The following PLCB1 variants were observed in gnomAD, a reference collection of about 807,000 sequenced individuals.
The protein encoded by PLCB1 is phospholipase C beta 1, also known as 1-phosphatidylinositol 4,5-bisphosphate phosphodiesterase beta-1.
Under a neutral mutation model 161.8 loss-of-function variants are expected in PLCB1, and 46 were observed. That is an observed-to-expected ratio of 0.28 (90% CI 0.22 to 0.36). PLCB1 has a LOEUF of 0.36. Among genes scored for constraint, PLCB1 ranks in the 10% least tolerant of loss-of-function variants. The pLI is 1.00. For missense variants in PLCB1, 1,016 were observed against 1,472.5 expected (o/e 0.69, Z 5.07); for synonymous variants, 517 against 503.7 (o/e 1.03, Z -0.35).
intron 20 of PLCB1, 29 bp downstream of exon 20, chr20:8,737,221 T>C (rs954549489): frequency 1.3e-6 from 2 of 1,560,776 alleles, no homozygotes; most frequent in South Asian, 1.1e-5. Flanking sequence ...ATATGAGTTA[T>C]AACTGCATTT....
intron 3 of PLCB1, among the ~76,000 whole-genome samples, chr20:8,602,923 C>T (rs906657638): frequency 1.3e-5 from 2 of 152,150 alleles, no homozygotes; most frequent in Non-Finnish European, 2.9e-5. Flanking sequence ...GTTGAAGCTC[C>T]TCTGGTAGAA....
intron 2 of PLCB1, among the ~76,000 whole-genome samples, chr20:8,332,766 G>A (rs2745782): frequency 0.015 from 2,250 of 152,314 alleles, 53 homozygotes; most frequent in African/African-American, 0.05. Context: ...CTCATAGCCA[G>A]AGTTATGGAG....
intron 31 of PLCB1, among the ~76,000 whole-genome samples, chr20:8,819,360 CCTAT>C (rs1985226788): frequency 6.6e-6 from 1 of 152,050 alleles, no homozygotes; most frequent in African/African-American, 2.4e-5. Context: ...ACACAAAAAT[CCTAT>C]CTATGTGGTT....
intron 2 of PLCB1, among the ~76,000 whole-genome samples, chr20:8,221,194 A>G (rs962875670): frequency 1.3e-5 from 2 of 152,180 alleles, no homozygotes; most frequent in African/African-American, 4.8e-5. Context: ...TCAATTTCAG[A>G]TAGCTCTAGT....
In PLCB1 at chr20:8,391,824, T is replaced by TATATAC. The variant is rs1157204782; in HGVS notation, c.246+20375_246+20376insTATACA. 1.9e-3 allele frequency among the ~76,000 whole-genome samples: 218 copies of TATATAC among 115,308 alleles called. 1 individual carries two copies. The highest frequency in any genetic ancestry group is 6.2e-3 in the African/African-American group (193 of 30,998). 75.6% of individuals were successfully genotyped at this position (115,308 alleles called of 152,430 possible). ...ATATATATATATATATATATATATA[T>TATATAC]ACACACACATATATATATATTACTT... On this transcript the variant is annotated intron_variant, in intron 3 of 31. Coordinates refer to ENST00000338037, the MANE Select transcript of PLCB1 (RefSeq NM_015192.4).
At chr20:8,181,449 A>G (rs749740994) in intron 2 of PLCB1, among the ~76,000 whole-genome samples, 6 of 152,142 alleles carry the variant, frequency 3.9e-5, no homozygotes, top group Non-Finnish European at 5.9e-5. Flanking sequence ...ATACACAATT[A>G]TTTTTTAAAA....
intron 3 of PLCB1, among the ~76,000 whole-genome samples, chr20:8,396,076 T>C (rs1987761133): frequency 6.6e-6 from 1 of 152,046 alleles, no homozygotes. Flanking sequence ...AACTACAAAG[T>C]TGTAACAGAA....
intron 3 of PLCB1, among the ~76,000 whole-genome samples, chr20:8,593,575 A>G (rs545658386): frequency 6.6e-5 from 10 of 152,164 alleles, no homozygotes; most frequent in Admixed American, 3.3e-4. Flanking sequence ...TATAATACCA[A>G]TGATAATCTG....
At chr20:8,501,521 G>A (rs1600110355) in intron 3 of PLCB1, among the ~76,000 whole-genome samples, 1 of 152,164 alleles carries the variant, frequency 6.6e-6, no homozygotes, top group African/African-American at 2.4e-5. Flanking sequence ...CCCACCTCCT[G>A]TGGCCACCTC....
At chr20:8,814,017 T>A (rs902203880) in intron 31 of PLCB1, among the ~76,000 whole-genome samples, 3 of 152,190 alleles carry the variant, frequency 2.0e-5, no homozygotes, top group African/African-American at 7.2e-5. Context: ...TGCCCTGATG[T>A]GACTACCAGA....
chr20:8,698,112 TGCTTTAACTAATG>T (rs929720826), intron 11 of PLCB1, among the ~76,000 whole-genome samples: 3 of 152,242 alleles, frequency 2.0e-5, no homozygotes, highest in Non-Finnish European at 4.4e-5. Context: ...CTTATTTCTA[TGCTTTAACTAATG>T]GCTATAAAGT....
At chr20:8,208,521 G>A (rs1978648081) in intron 2 of PLCB1, among the ~76,000 whole-genome samples, 1 of 151,970 alleles carries the variant, frequency 6.6e-6, no homozygotes, top group South Asian at 2.1e-4. Flanking sequence ...TGTTTATGGA[G>A]TAGGTTTTTT....
chr20:8,629,321 A>G (rs1353157192), intron 4 of PLCB1, among the ~76,000 whole-genome samples: 1 of 152,198 alleles, frequency 6.6e-6, no homozygotes, highest in Non-Finnish European at 1.5e-5. Flanking sequence ...GATATGGCCC[A>G]CCCACTGAGG....
intron 3 of PLCB1, among the ~76,000 whole-genome samples, chr20:8,582,385 G>A (rs6055920): frequency 2.0e-5 from 3 of 152,118 alleles, no homozygotes; most frequent in Non-Finnish European, 4.4e-5. Context: ...TCATAGAGTG[G>A]TGTCAAAGGT....
chr20:8,146,527 A>G (rs1034478943), intron 1 of PLCB1, among the ~76,000 whole-genome samples: 2 of 152,248 alleles, frequency 1.3e-5, no homozygotes, highest in African/African-American at 4.8e-5. Flanking sequence ...GTATACTGGT[A>G]TTAGAAGTGA....
intron 4 of PLCB1, among the ~76,000 whole-genome samples, chr20:8,643,598 C>CA (rs1252184574): frequency 2.6e-5 from 4 of 152,030 alleles, no homozygotes; most frequent in African/African-American, 4.8e-5. Flanking sequence ...GTAGAAACAA[C>CA]AAAAAAACAG....
chr20:8,662,091 A>AATAATTATAT (rs1171455454), intron 9 of PLCB1, among the ~76,000 whole-genome samples: 1 of 492 alleles, frequency 2.0e-3, no homozygotes, highest in Non-Finnish European at 0.014. Flanking sequence ...TTATATAATA[A>AATAATTATAT]ATAATTATAT....
At chr20:8,466,495 G>A (rs1188154225) in intron 3 of PLCB1, among the ~76,000 whole-genome samples, 1 of 151,688 alleles carries the variant, frequency 6.6e-6, no homozygotes, top group Non-Finnish European at 1.5e-5. Context: ...AAAAACAAAA[G>A]AGCTGTACAG....
At chr20:8,202,391 C>T (rs1373804007) in intron 2 of PLCB1, among the ~76,000 whole-genome samples, 1 of 152,184 alleles carries the variant, frequency 6.6e-6, no homozygotes, top group Non-Finnish European at 1.5e-5. Context: ...GTTTTTTTTA[C>T]AGCATTTATT....
Sources: gnomAD v4.1 joint callset for allele counts (sites outside exome capture counted in the v4.1 genomes callset) on GRCh38, gnomAD v4.1.1 for gene constraint, MANE v1.5 for transcripts, NCBI Gene and HGNC (gene_info 2026-07-23, HGNC 2026-07-21) for gene names.